ENTREP2: variants seen among roughly 807,000 people sequenced by gnomAD.
ENTREP2 encodes protein ENTREP2.
the ENTREP2 span, among the ~76,000 whole-genome samples, chr15:29,340,009 G>A: frequency 6.6e-6 from 1 of 152,232 alleles, no homozygotes; most frequent in African/African-American, 2.4e-5. Flanking sequence ...TTCAGAATTA[G>A]TATTTGTGTT....
the ENTREP2 span, among the ~76,000 whole-genome samples, chr15:29,531,148 A>G: frequency 2.0e-5 from 3 of 152,066 alleles, no homozygotes; most frequent in Admixed American, 6.6e-5. Context: ...CTTCTTACCT[A>G]CGAGGGCTCT....
the ENTREP2 span, among the ~76,000 whole-genome samples, chr15:29,272,847 T>G: frequency 6.6e-6 from 1 of 152,038 alleles, no homozygotes; most frequent in Non-Finnish European, 1.5e-5. Context: ...AAAGGTGAAG[T>G]AGAGGACATG....
At chr15:29,254,161 CAAAAAAAAAAAAAAAA>C in the ENTREP2 span, among the ~76,000 whole-genome samples, 2 of 61,324 alleles carry the variant, frequency 3.3e-5, no homozygotes, top group Non-Finnish European at 5.5e-5. Flanking sequence ...TGTTAAAGAG[CAAAAAAAAAAAAAAAA>C]AAAAAAAAAA....
At chr15:29,134,784 AG>A in the ENTREP2 span, among the ~76,000 whole-genome samples, 1 of 152,208 alleles carries the variant, frequency 6.6e-6, no homozygotes, top group South Asian at 2.1e-4. Context: ...TGGTTGGGAC[AG>A]GGACCAGCAT....
At chr15:29,561,001 G>GTCACAGAAGA in the ENTREP2 span, among the ~76,000 whole-genome samples, 82 of 2,302 alleles carry the variant, frequency 0.036, no homozygotes, top group African/African-American at 0.29. Flanking sequence ...TTGAGTAGTT[G>GTCACAGAAGA]CCACATCACT....
chr15:29,230,735 G>A, the ENTREP2 span, among the ~76,000 whole-genome samples: 1 of 152,122 alleles, frequency 6.6e-6, no homozygotes, highest in Non-Finnish European at 1.5e-5. Context: ...AGAAATGAAG[G>A]TAAGCCTATT....
At chr15:29,613,757 T>G in the ENTREP2 span, 1 of 165,290 alleles carries the variant, frequency 6.0e-6, no homozygotes, top group African/African-American at 2.4e-5. Context: ...CCTCACCAGC[T>G]CAATTCGGAC....
the ENTREP2 span, among the ~76,000 whole-genome samples, chr15:29,406,349 C>T: frequency 6.6e-6 from 1 of 152,132 alleles, no homozygotes; most frequent in African/African-American, 2.4e-5. Flanking sequence ...GAGTTCAAGA[C>T]CAGTTTGGCC....
chr15:29,494,507 C>T, the ENTREP2 span, among the ~76,000 whole-genome samples: 1 of 152,190 alleles, frequency 6.6e-6, no homozygotes, highest in Non-Finnish European at 1.5e-5. Context: ...CACATAGTTA[C>T]CATTTTTATC....
At chr15:29,341,561 T>C in the ENTREP2 span, among the ~76,000 whole-genome samples, 9 of 152,144 alleles carry the variant, frequency 5.9e-5, no homozygotes, top group Non-Finnish European at 1.0e-4. Context: ...TAACATAATA[T>C]GCAACACACG....
the ENTREP2 span, among the ~76,000 whole-genome samples, chr15:29,132,099 C>T: frequency 6.6e-6 from 1 of 152,180 alleles, no homozygotes; most frequent in Admixed American, 6.5e-5. Context: ...AGCCCGCCTT[C>T]TGCAGCCTCC....
At chr15:29,596,226 TAC>T in the ENTREP2 span, among the ~76,000 whole-genome samples, 1 of 152,224 alleles carries the variant, frequency 6.6e-6, no homozygotes, top group African/African-American at 2.4e-5. Flanking sequence ...TTTATAGATA[TAC>T]CTCTGCATAT....
chr15:29,137,057 G>A, the ENTREP2 span: 4 of 1,451,260 alleles, frequency 2.8e-6, no homozygotes, highest in Non-Finnish European at 3.6e-6. Flanking sequence ...TGGACGGTGT[G>A]CAGGTGTACT....
the ENTREP2 span, among the ~76,000 whole-genome samples, chr15:29,443,635 A>T: frequency 6.6e-6 from 1 of 151,976 alleles, no homozygotes; most frequent in African/African-American, 2.4e-5. Context: ...CAAGGTTGGG[A>T]TGTACCCAAG....
chr15:29,179,512 G>T, the ENTREP2 span, among the ~76,000 whole-genome samples: 1 of 152,136 alleles, frequency 6.6e-6, no homozygotes, highest in Non-Finnish European at 1.5e-5. Context: ...TACTGAGGAT[G>T]AGCTTAGTTT....
At chr15:29,229,403 C>G in the ENTREP2 span, among the ~76,000 whole-genome samples, 2 of 152,256 alleles carry the variant, frequency 1.3e-5, no homozygotes, top group East Asian at 3.9e-4. Context: ...CCTACCACCC[C>G]CTATACCTGA....
At chr15:29,381,696 G>T in the ENTREP2 span, 1 of 1,213,520 alleles carries the variant, frequency 8.2e-7, no homozygotes, top group Non-Finnish European at 1.2e-6. Flanking sequence ...AATTCTCTTC[G>T]CCACTGCCTC....
chr15:29,177,587 G>A, the ENTREP2 span, among the ~76,000 whole-genome samples: 1 of 152,126 alleles, frequency 6.6e-6, no homozygotes, highest in African/African-American at 2.4e-5. Flanking sequence ...GAAGATAGAC[G>A]CGGGGTCTGC....
At chr15:29,274,300 A>G in the ENTREP2 span, among the ~76,000 whole-genome samples, 1 of 152,324 alleles carries the variant, frequency 6.6e-6, no homozygotes, top group African/African-American at 2.4e-5. Context: ...TCTCACAAAT[A>G]AACTGTCACA....
Sources: allele counts gnomAD v4.1 joint callset (sites outside exome capture counted in the v4.1 genomes callset), GRCh38; gene constraint gnomAD v4.1.1; transcripts MANE v1.5; gene names NCBI Gene and HGNC (gene_info 2026-07-23, HGNC 2026-07-21).